The following RCBTB1 variants were observed in gnomAD, a reference collection of about 807,000 sequenced individuals.
RCBTB1 encodes RCC1 and BTB domain-containing protein 1.
Under a neutral mutation model 62.4 loss-of-function variants are expected in RCBTB1, and 46 were observed. That is an observed-to-expected ratio of 0.74 (90% CI 0.58 to 0.94). The LOEUF (loss-of-function observed/expected upper bound fraction) is 0.94, where lower values mean the gene tolerates loss of function less well. Ranked by LOEUF, RCBTB1 falls within the 40% of genes least tolerant of loss-of-function variation. The pLI is 0.00. For synonymous variants in RCBTB1, 222 were observed against 245.8 expected (o/e 0.90, Z 0.91); for missense variants, 565 against 654.9 (o/e 0.86, Z 1.50).
chr13:49,568,903 TG>T (rs1963210296), intron 2 of RCBTB1, among the ~76,000 whole-genome samples: 1 of 152,090 alleles, frequency 6.6e-6, no homozygotes, highest in Non-Finnish European at 1.5e-5. Context: ...AACTCCAGCC[TG>T]GTGACAGAGC....
intron 1 of RCBTB1, among the ~76,000 whole-genome samples, chr13:49,583,402 G>A (rs1457305699): frequency 6.6e-6 from 1 of 152,012 alleles, no homozygotes; most frequent in Non-Finnish European, 1.5e-5. Flanking sequence ...GTGTGTGTGT[G>A]TGTGTGTGTG....
At chr13:49,575,472 A>G (rs1183586166) in intron 2 of RCBTB1, among the ~76,000 whole-genome samples, 1 of 151,442 alleles carries the variant, frequency 6.6e-6, no homozygotes. Flanking sequence ...TCATCACAGC[A>G]CTATTCACAA....
intron 9 of RCBTB1, chr13:49,547,079 A>G: frequency 7.8e-7 from 1 of 1,280,790 alleles, no homozygotes; most frequent in Non-Finnish European, 1.0e-6. Context: ...GAAGATGTGT[A>G]CAGAAGTGCT....
chr13:49,573,372 AG>A (rs1451474767), intron 2 of RCBTB1, among the ~76,000 whole-genome samples: 1 of 151,262 alleles, frequency 6.6e-6, no homozygotes, highest in Non-Finnish European at 1.5e-5. Flanking sequence ...TTTCGTCAGC[AG>A]GGTTGTGGCC....
At chr13:49,576,239 T>C (rs527610033) in intron 2 of RCBTB1, among the ~76,000 whole-genome samples, 3 of 145,146 alleles carry the variant, frequency 2.1e-5, no homozygotes, top group Non-Finnish European at 4.5e-5. Context: ...AGTCTAGAGA[T>C]TGATGGTGGT....
chr13:49,560,958 C>T (rs367871553), intron 4 of RCBTB1, among the ~76,000 whole-genome samples: 4 of 152,270 alleles, frequency 2.6e-5, no homozygotes, highest in East Asian at 3.9e-4. Flanking sequence ...CCCAGCACCT[C>T]GATGTGGTCA....
intron 4 of RCBTB1, among the ~76,000 whole-genome samples, chr13:49,564,911 A>T (rs896063976): frequency 6.6e-6 from 1 of 151,968 alleles, no homozygotes; most frequent in Non-Finnish European, 1.5e-5. Context: ...AGAAAGAAAG[A>T]AAAGAAAAAC....
chr13:49,555,812 C>G, intron 5 of RCBTB1, 139 bp from the exon 6 acceptor site: 2 of 648,694 alleles, frequency 3.1e-6, no homozygotes. Flanking sequence ...GCTTTACACA[C>G]ATTAACCTAT....
intron 5 of RCBTB1, among the ~76,000 whole-genome samples, chr13:49,558,207 T>C (rs529496563): frequency 3.3e-5 from 5 of 152,294 alleles, no homozygotes; most frequent in African/African-American, 1.2e-4. Context: ...GCTGTATACA[T>C]GTCTCAATGA....
intron 4 of RCBTB1, among the ~76,000 whole-genome samples, chr13:49,561,456 G>A (rs1351416082): frequency 7.9e-5 from 12 of 152,178 alleles, no homozygotes; most frequent in African/African-American, 2.9e-4. Flanking sequence ...GAAAGAAAGA[G>A]TATAAAACAC....
intron 6 of RCBTB1, among the ~76,000 whole-genome samples, chr13:49,553,577 T>C (rs1259886063): frequency 6.6e-6 from 1 of 152,128 alleles, no homozygotes; most frequent in Non-Finnish European, 1.5e-5. Flanking sequence ...AGGTTCCAAA[T>C]AGCCATAGGA....
chr13:49,581,431 A>C (rs1386890574), intron 1 of RCBTB1, among the ~76,000 whole-genome samples: 1 of 152,212 alleles, frequency 6.6e-6, no homozygotes, highest in African/African-American at 2.4e-5. Context: ...CTACAGCAGA[A>C]AGCACAGCAG....
chr13:49,560,056 A>G lies in RCBTB1; in HGVS notation c.306T>C (p.Asn102=). 1 of 1,613,984 alleles carries G rather than the reference A, an allele frequency of 6.2e-7. No homozygotes were observed. Among genetic ancestry groups the G allele is most frequent in the Non-Finnish European group, 8.5e-7 (1 of 1,179,980 alleles). The change falls in exon 5 of 13, where the codon AAT becomes AAC. Residue 102 remains asparagine, a synonymous_variant. Coordinates refer to ENST00000378302, the MANE Select transcript of RCBTB1 (RefSeq NM_018191.4). ...EDGVVYAWGH[N]GYSQLGNGTT... is the part of the protein sequence containing the mutation. ...TCCCATTCCCAAGCTGGCTATATCC[A>G]TTGTGGCCCCAGGCATAAACCACTC...
At chr13:49,583,388 G>A (rs145811385) in intron 1 of RCBTB1, among the ~76,000 whole-genome samples, 4 of 11,002 alleles carry the variant, frequency 3.6e-4, no homozygotes, top group Non-Finnish European at 2.1e-4. Flanking sequence ...TTTTGTGTAT[G>A]TGTGTGTGTG....
intron 4 of RCBTB1, 32 bp downstream of exon 4, chr13:49,566,575 CAATTTCTTACA>C (rs1321443727): frequency 1.3e-6 from 2 of 1,587,248 alleles, no homozygotes; most frequent in South Asian, 2.3e-5. Flanking sequence ...ATTAACCGGT[CAATTTCTTACA>C]AACTGAAAAG....
intron 2 of RCBTB1, among the ~76,000 whole-genome samples, chr13:49,573,072 C>T (rs1379693480): frequency 6.6e-6 from 1 of 152,198 alleles, no homozygotes; most frequent in African/African-American, 2.4e-5. Flanking sequence ...AGCATCCCAA[C>T]AGAAGCTGCC....
chr13:49,542,500 A>C (rs1960464372), intron 10 of RCBTB1, among the ~76,000 whole-genome samples: 1 of 152,220 alleles, frequency 6.6e-6, no homozygotes, highest in African/African-American at 2.4e-5. Context: ...ATTTTAAACA[A>C]TAAAGTGAAA....
At chr13:49,560,454 C>G (rs1331099366) in intron 4 of RCBTB1, among the ~76,000 whole-genome samples, 1 of 152,174 alleles carries the variant, frequency 6.6e-6, no homozygotes, top group Non-Finnish European at 1.5e-5. Flanking sequence ...TTTACCATTG[C>G]TTAACCAAAT....
chr13:49,553,900 T>C (rs1475964953), intron 6 of RCBTB1, among the ~76,000 whole-genome samples: 1 of 152,218 alleles, frequency 6.6e-6, no homozygotes, highest in Non-Finnish European at 1.5e-5. Context: ...GAAATACTTG[T>C]ATAAGTGTAC....
Sources: allele counts gnomAD v4.1 joint callset (sites outside exome capture counted in the v4.1 genomes callset), GRCh38; gene constraint gnomAD v4.1.1; transcripts MANE v1.5; gene names NCBI Gene and HGNC (gene_info 2026-07-23, HGNC 2026-07-21).